UBR1: variants seen among roughly 807,000 people sequenced by gnomAD.
The protein encoded by UBR1 is E3 ubiquitin-protein ligase UBR1.
UBR1 carries 102 observed loss-of-function variants against 242.1 expected under a neutral mutation model. The ratio of observed to expected loss-of-function variants is 0.42; its 90% confidence interval spans 0.36 to 0.50. The LOEUF is 0.50. UBR1 is among the 20% of genes least tolerant of loss of function. UBR1 has a pLI of 0.01. For missense variants in UBR1, 1,772 were observed against 2,101.8 expected (o/e 0.84, Z 3.07); for synonymous variants, 675 against 684.8 (o/e 0.99, Z 0.22).
At position 42,984,806 on chromosome 15, in the gene UBR1, A is replaced by AT. The variant is rs371516734; in HGVS notation, c.4053+80dup. The AT allele has an allele frequency of 4.3e-5, 55 of 1,279,102 alleles. No individual in the cohort carries two copies. The African/African-American group carries it at 4.7e-4, about 11-fold the overall frequency. The allele number at this position is 1,279,102 out of a possible 1,614,324, so 79.2% of individuals were successfully genotyped here. On this transcript the variant is annotated intron_variant, in intron 36 of 46. Transcript: ENST00000290650. ...TAATTTTTACAGAAAATGAGTAAAG[A>AT]TTTTTTGTTTTTAATAATAAACTGT...
At chr15:42,998,106 T>A (rs1478373934) in intron 33 of UBR1, 62 bp downstream of exon 33, 7 of 1,404,996 alleles carry the variant, frequency 5.0e-6, no homozygotes, top group East Asian at 4.8e-5. Flanking sequence ...AATAATTATT[T>A]AAAAAAATAA....
At chr15:43,036,005 A>G (rs983968116) in intron 19 of UBR1, among the ~76,000 whole-genome samples, 173 bp downstream of exon 19, 1 of 152,022 alleles carries the variant, frequency 6.6e-6, no homozygotes, top group Non-Finnish European at 1.5e-5. Flanking sequence ...GGTGCAGCGC[A>G]CCAGCATGGC....
At chr15:43,071,026 TACA>T (rs2033818266) in intron 4 of UBR1, 101 bp from the exon 5 acceptor site, 1 of 1,449,176 alleles carries the variant, frequency 6.9e-7, no homozygotes, top group Non-Finnish European at 9.5e-7. Context: ...CTGAATTCAT[TACA>T]ACATCGTCCA....
intron 1 of UBR1, among the ~76,000 whole-genome samples, chr15:43,102,592 CAG>C (rs1027718118): frequency 2.0e-5 from 3 of 152,206 alleles, no homozygotes; most frequent in African/African-American, 7.2e-5. Context: ...TCGAGGAAGA[CAG>C]AAGGCAGAAG....
In UBR1 at chr15:42,960,708, G is replaced by A; in HGVS notation, c.4701-7C>T. ...GGCAGGATCTGCACACCACCTGTAT[G>A]TGGAGCCAAGAGAAAAGACAAATGG... On this transcript the variant is annotated splice_region_variant and splice_polypyrimidine_tract_variant and intron_variant, in intron 42 of 46. Transcript: ENST00000290650. 1 of 1,613,752 alleles carries A rather than the reference G, an allele frequency of 6.2e-7. No homozygotes were observed. Among genetic ancestry groups the A allele is most frequent in the Non-Finnish European group, 8.5e-7 (1 of 1,179,738 alleles).
At position 42,958,014 on chromosome 15, in the gene UBR1, T is replaced by A; in HGVS notation, c.4834A>T (p.Arg1612Trp). The change falls in exon 44 of 47, where the codon AGG becomes TGG. Residue 1612 changes from arginine to tryptophan, a missense_variant and splice_region_variant. Coordinates refer to ENST00000290650, the MANE Select transcript of UBR1 (RefSeq NM_174916.3). ...SCLLNQASHF[R>W]CPRSADDERK... Reference sequence around the variant, plus strand: ...CATATATATACACACTCTCCTTACCTGAAATGAGAAGCTTGATTCAGGAGG... The same window carrying A: ...CATATATATACACACTCTCCTTACCAGAAATGAGAAGCTTGATTCAGGAGG... 2 of 1,611,822 alleles carry A rather than the reference T, an allele frequency of 1.2e-6. No individual in the cohort carries two copies. The highest frequency in any genetic ancestry group is 1.7e-6 in the Non-Finnish European group (2 of 1,178,424).
chr15:43,045,966 A>C (rs1479938560), intron 14 of UBR1, among the ~76,000 whole-genome samples: 1 of 152,264 alleles, frequency 6.6e-6, no homozygotes, highest in Non-Finnish European at 1.5e-5. Flanking sequence ...GGAAGATGGA[A>C]ACTAAGGAAA....
chr15:43,048,101 C>G (rs922460133), intron 13 of UBR1, among the ~76,000 whole-genome samples: 2 of 151,528 alleles, frequency 1.3e-5, no homozygotes, highest in Non-Finnish European at 2.9e-5. Context: ...GCAGGAGAAT[C>G]GCTTGAACCT....
chr15:43,041,079 A>C (rs1002850891), intron 15 of UBR1, among the ~76,000 whole-genome samples: 6 of 152,224 alleles, frequency 3.9e-5, no homozygotes, highest in African/African-American at 7.2e-5. Context: ...TTGACCCAGC[A>C]ATCCCATTAC....
At chr15:43,074,241 T>C (rs534869020) in intron 4 of UBR1, among the ~76,000 whole-genome samples, 1 of 152,320 alleles carries the variant, frequency 6.6e-6, no homozygotes, top group Admixed American at 6.5e-5. Context: ...TCATTTCTAA[T>C]TGTCTATATC....
chr15:43,029,233 G>A (rs2033222030), intron 21 of UBR1, among the ~76,000 whole-genome samples: 1 of 152,124 alleles, frequency 6.6e-6, no homozygotes, highest in African/African-American at 2.4e-5. Flanking sequence ...AAATCTCAGA[G>A]GGAAAAAACA....
intron 40 of UBR1, among the ~76,000 whole-genome samples, chr15:42,968,977 T>C (rs375444193): frequency 6.6e-6 from 1 of 152,322 alleles, no homozygotes; most frequent in East Asian, 1.9e-4. Flanking sequence ...GCAATAAACA[T>C]ATGTGTGCAT....
At chr15:43,026,320 A>G (rs1474672799) in intron 23 of UBR1, 2 of 437,356 alleles carry the variant, frequency 4.6e-6, no homozygotes, top group Non-Finnish European at 8.3e-6. Flanking sequence ...GAAGTCCATG[A>G]TGCTTGATTG....
intron 1 of UBR1, among the ~76,000 whole-genome samples, chr15:43,090,483 A>G (rs2034093920): frequency 6.6e-6 from 1 of 151,964 alleles, no homozygotes; most frequent in Non-Finnish European, 1.5e-5. Context: ...CAGTATTCCT[A>G]CTCCAACTTT....
At chr15:43,067,212 T>C (rs2033764509) in intron 6 of UBR1, among the ~76,000 whole-genome samples, 1 of 152,222 alleles carries the variant, frequency 6.6e-6, no homozygotes, top group Non-Finnish European at 1.5e-5. Flanking sequence ...TTATTAGCTG[T>C]TCGTACCCTT....
chr15:43,054,986 G>A (rs1346391393), intron 11 of UBR1, 87 bp from the exon 12 acceptor site: 4 of 1,419,394 alleles, frequency 2.8e-6, no homozygotes, highest in African/African-American at 1.4e-5. Context: ...TAGTCAGTAT[G>A]TCATTTTTAA....
At chr15:43,001,225 C>T (rs1173697602) in intron 32 of UBR1, among the ~76,000 whole-genome samples, 1 of 151,670 alleles carries the variant, frequency 6.6e-6, no homozygotes, top group South Asian at 2.1e-4. Flanking sequence ...TGGCTCACTA[C>T]AACTGCCACC....
intron 19 of UBR1, among the ~76,000 whole-genome samples, 178 bp from the exon 20 acceptor site, chr15:43,032,809 T>C (rs2141313194): frequency 6.6e-6 from 1 of 152,336 alleles, no homozygotes; most frequent in African/African-American, 2.4e-5. Flanking sequence ...TGACATCAAA[T>C]TCAACAATAC....
chr15:43,054,597 C>T (rs1419924206), intron 12 of UBR1, 145 bp downstream of exon 12: 13 of 905,852 alleles, frequency 1.4e-5, no homozygotes, highest in Middle Eastern at 2.3e-4. Flanking sequence ...TTTATTAACG[C>T]GAGGCAGTAA....
Sources: allele counts gnomAD v4.1 joint callset (sites outside exome capture counted in the v4.1 genomes callset), GRCh38; gene constraint gnomAD v4.1.1; transcripts MANE v1.5; gene names NCBI Gene and HGNC (gene_info 2026-07-23, HGNC 2026-07-21).